The following RAB38 variants were observed in gnomAD, a reference collection of about 807,000 sequenced individuals.
The protein encoded by RAB38 is ras-related protein Rab-38.
A neutral mutation model predicts 18.4 loss-of-function variants in RAB38; 15 were observed. That is an observed-to-expected ratio of 0.82 (90% CI 0.55 to 1.26). The LOEUF is 1.26. Ranked by LOEUF, RAB38 falls within the 50% of genes most tolerant of loss-of-function variation. The probability of loss-of-function intolerance (pLI) is 0.00; values close to 1 mark genes in which losing one functional copy is unlikely to be tolerated. For synonymous variants in RAB38, 101 were observed against 104.4 expected (o/e 0.97, Z 0.20); for missense variants, 294 against 267.4 (o/e 1.10, Z -0.69).
At position 88,115,095 on chromosome 11, in the gene RAB38, C is replaced by G. The variant is rs539525598; in HGVS notation, c.484-955G>C. 2.0e-5 allele frequency among the ~76,000 whole-genome samples: 3 copies of G among 152,236 alleles called. No homozygotes were observed. The South Asian group carries it at 6.2e-4, about 32-fold the overall frequency. On this transcript the variant is annotated intron_variant, in intron 2 of 2. Transcript: ENST00000243662. The stretch of plus-strand genomic sequence containing the variant: ...AGTTAAACTGCTTTTTTTGTTCCTG[C>G]TGGTCAGAAACCTAAGACATATAGA...
chr11:87,855,295 G>A, the RAB38 span, among the ~76,000 whole-genome samples: 5 of 152,072 alleles, frequency 3.3e-5, no homozygotes, highest in Non-Finnish European at 7.4e-5. Context: ...TGCTTCCATA[G>A]AGTCTTCAGA....
At chr11:88,159,636 G>A (rs1256114179) in intron 1 of RAB38, among the ~76,000 whole-genome samples, 2 of 151,920 alleles carry the variant, frequency 1.3e-5, no homozygotes, top group African/African-American at 4.8e-5. Context: ...CAGACACATA[G>A]ACCAATGAAA....
the RAB38 span, among the ~76,000 whole-genome samples, chr11:88,029,438 T>A: frequency 6.6e-6 from 1 of 151,932 alleles, no homozygotes; most frequent in African/African-American, 2.4e-5. Flanking sequence ...GACTGGCAAA[T>A]TGGATAAAGA....
chr11:87,878,331 T>C, the RAB38 span, among the ~76,000 whole-genome samples: 81 of 149,144 alleles, frequency 5.4e-4, no homozygotes, highest in African/African-American at 2.0e-3. Context: ...TATCAATCTA[T>C]CATCTATCTA....
chr11:87,867,297 C>A, the RAB38 span, among the ~76,000 whole-genome samples: 1 of 151,760 alleles, frequency 6.6e-6, no homozygotes, highest in South Asian at 2.1e-4. Flanking sequence ...TAAAGACTAA[C>A]ATTTTGTCTC....
chr11:88,118,489 T>C (rs1245895602), intron 2 of RAB38, among the ~76,000 whole-genome samples: 1 of 152,218 alleles, frequency 6.6e-6, no homozygotes, highest in East Asian at 1.9e-4. Context: ...ATAGACACAG[T>C]GAAGCCCACA....
chr11:87,827,962 A>T, the RAB38 span, among the ~76,000 whole-genome samples: 4 of 152,204 alleles, frequency 2.6e-5, no homozygotes, highest in Admixed American at 2.6e-4. Flanking sequence ...AAAGAACATT[A>T]GTGGAAAACT....
At chr11:87,824,959 G>C in the RAB38 span, among the ~76,000 whole-genome samples, 1 of 151,968 alleles carries the variant, frequency 6.6e-6, no homozygotes, top group East Asian at 1.9e-4. Flanking sequence ...AGAACACCTG[G>C]AATGAAGAAC....
chr11:87,908,854 T>C, the RAB38 span, among the ~76,000 whole-genome samples: 49 of 152,024 alleles, frequency 3.2e-4, 4 homozygotes. Flanking sequence ...TTTCTTATCC[T>C]GAATGTTAGG....
the RAB38 span, among the ~76,000 whole-genome samples, chr11:87,882,334 C>T: frequency 6.6e-6 from 1 of 151,774 alleles, no homozygotes; most frequent in African/African-American, 2.4e-5. Flanking sequence ...TGGTTCTAAA[C>T]TTTGGTGTAT....
At chr11:87,921,555 AATATTATATATAATAT>A in the RAB38 span, among the ~76,000 whole-genome samples, 1 of 148,186 alleles carries the variant, frequency 6.7e-6, no homozygotes, top group Non-Finnish European at 1.5e-5. Flanking sequence ...CTATATATAA[AATATTATATATAATAT>A]ATATTATATA....
At chr11:87,959,976 A>G in the RAB38 span, among the ~76,000 whole-genome samples, 2 of 152,194 alleles carry the variant, frequency 1.3e-5, no homozygotes, top group Non-Finnish European at 2.9e-5. Flanking sequence ...TCATTCATGT[A>G]GCTTAGCCTA....
At chr11:88,108,719 T>G (rs1019752397), downstream of RAB38, among the ~76,000 whole-genome samples, 3 of 152,238 alleles carry the variant, frequency 2.0e-5, no homozygotes, top group African/African-American at 7.2e-5. Context: ...TGGTAGTTGA[T>G]GCAGTTTCTT....
At chr11:88,043,678 T>G in the RAB38 span, among the ~76,000 whole-genome samples, 1 of 146,350 alleles carries the variant, frequency 6.8e-6, no homozygotes, top group Non-Finnish European at 1.5e-5. Flanking sequence ...TTATAAAATG[T>G]CCCCACCCCA....
At chr11:87,926,163 C>T in the RAB38 span, among the ~76,000 whole-genome samples, 1 of 151,862 alleles carries the variant, frequency 6.6e-6, no homozygotes, top group Admixed American at 6.6e-5. Context: ...AAAGAATCGC[C>T]ACTACCCTCT....
the RAB38 span, among the ~76,000 whole-genome samples, chr11:87,911,671 T>C: frequency 6.6e-6 from 1 of 152,044 alleles, no homozygotes; most frequent in African/African-American, 2.4e-5. Flanking sequence ...GTAATAGATA[T>C]CTTTACATCT....
chr11:87,930,975 G>A, the RAB38 span, among the ~76,000 whole-genome samples: 10 of 152,222 alleles, frequency 6.6e-5, no homozygotes, highest in East Asian at 1.9e-3. Flanking sequence ...TAGCCTTGTA[G>A]CATAGTTTGA....
the RAB38 span, among the ~76,000 whole-genome samples, chr11:88,042,512 G>A: frequency 6.6e-6 from 1 of 152,190 alleles, no homozygotes; most frequent in Non-Finnish European, 1.5e-5. Flanking sequence ...TGAGCCACCT[G>A]CCTTCTGAAT....
the RAB38 span, among the ~76,000 whole-genome samples, chr11:88,076,069 T>C: frequency 6.6e-6 from 1 of 151,330 alleles, no homozygotes; most frequent in Admixed American, 6.6e-5. Context: ...CTGAAAAGTT[T>C]TGTTCCAGAC....
Sources: allele counts gnomAD v4.1 joint callset (sites outside exome capture counted in the v4.1 genomes callset), GRCh38; gene constraint gnomAD v4.1.1; transcripts MANE v1.5; gene names NCBI Gene and HGNC (gene_info 2026-07-23, HGNC 2026-07-21).